Variants in INVS observed in about 807,000 individuals in gnomAD.
INVS encodes inversion of embryo turning homolog.
Under a neutral mutation model 108.8 loss-of-function variants are expected in INVS, and 86 were observed. The ratio of observed to expected loss-of-function variants is 0.79; its 90% CI spans 0.66 to 0.95. The LOEUF (loss-of-function observed/expected upper bound fraction) is 0.95, where lower values mean the gene tolerates loss of function less well. INVS is among the 40% of genes least tolerant of loss of function. INVS has a pLI of 0.00. For missense variants in INVS, 1,169 were observed against 1,297.4 expected, an observed-to-expected ratio of 0.90 and a Z score of 1.52; for synonymous variants, 455 against 473.5, an observed-to-expected ratio of 0.96 and a Z score of 0.51.
At chr9:100,187,521 A>ATTTTTTTTTT (rs1830087780) in intron 3 of INVS, among the ~76,000 whole-genome samples, 1 of 89,426 alleles carries the variant, frequency 1.1e-5, no homozygotes, top group African/African-American at 6.1e-5. Flanking sequence ...ATCATCTATG[A>ATTTTTTTTTT]TTTCTTTTTT....
At chr9:100,221,774 G>T (rs1216368893) in intron 3 of INVS, among the ~76,000 whole-genome samples, 1 of 151,914 alleles carries the variant, frequency 6.6e-6, no homozygotes, top group African/African-American at 2.4e-5. Context: ...GGTCAACCAT[G>T]ATCTAAAAAT....
chr9:100,251,932 A>G (rs891224688), intron 8 of INVS, among the ~76,000 whole-genome samples: 1 of 152,194 alleles, frequency 6.6e-6, no homozygotes, highest in African/African-American at 2.4e-5. Flanking sequence ...CATTTAAATC[A>G]TTCCTCTTTG....
At chr9:100,232,919 G>A (rs1044542297) in intron 5 of INVS, among the ~76,000 whole-genome samples, 2 of 152,086 alleles carry the variant, frequency 1.3e-5, no homozygotes, top group African/African-American at 4.8e-5. Context: ...GATGGAAATA[G>A]CATTGAATTT....
At chr9:100,227,667 T>C (rs1831374111) in intron 4 of INVS, among the ~76,000 whole-genome samples, 1 of 150,796 alleles carries the variant, frequency 6.6e-6, no homozygotes, top group Non-Finnish European at 1.5e-5. Context: ...GGGAAGGCCA[T>C]GAAGAGAGGA....
At chr9:100,286,396 A>T (rs532643432) in intron 13 of INVS, among the ~76,000 whole-genome samples, 14 of 152,232 alleles carry the variant, frequency 9.2e-5, no homozygotes, top group African/African-American at 3.4e-4. Flanking sequence ...TCTACTAAAA[A>T]TATACAAATT....
In INVS at chr9:100,194,690, A is replaced by G. The variant is rs183335779; in HGVS notation, c.274-31372A>G. ...AGCATGTAGTATTTCACCACTAAAC[A>G]TGAAATTAACTTCAATTTTTAAAAG... On this transcript the variant is annotated intron_variant, in intron 3 of 16. Coordinates refer to ENST00000262457, the MANE Select transcript of INVS (RefSeq NM_014425.5). Among the ~76,000 whole-genome samples, 132 of 152,324 alleles carry G rather than the reference A, an allele frequency of 8.7e-4. 1 individual carries two copies. The highest frequency in any genetic ancestry group is 1.3e-3 in the Non-Finnish European group (87 of 68,020).
chr9:100,100,967 T>TATATGC (rs1564112461), intron 1 of INVS, among the ~76,000 whole-genome samples: 52 of 21,464 alleles, frequency 2.4e-3, no homozygotes, highest in African/African-American at 6.6e-3. Flanking sequence ...ATATATATAA[T>TATATGC]ATATATTATA....
chr9:100,250,597 C>T (rs1012716945), intron 8 of INVS, among the ~76,000 whole-genome samples: 1 of 152,128 alleles, frequency 6.6e-6, no homozygotes, highest in Non-Finnish European at 1.5e-5. Context: ...TATGTCAAAT[C>T]CCGTAGCAAG....
chr9:100,183,561 G>A (rs1180132845), intron 3 of INVS, among the ~76,000 whole-genome samples: 1 of 152,160 alleles, frequency 6.6e-6, no homozygotes, highest in African/African-American at 2.4e-5. Context: ...GGGAGACTGA[G>A]GAGGGCAGAT....
intron 12 of INVS, among the ~76,000 whole-genome samples, chr9:100,279,691 C>T (rs943756087): frequency 6.6e-5 from 10 of 152,196 alleles, no homozygotes; most frequent in African/African-American, 2.4e-4. Flanking sequence ...TGACAGGACA[C>T]ACTAACTAGA....
At chr9:100,256,376 T>C (rs909998034) in intron 10 of INVS, among the ~76,000 whole-genome samples, 1 of 152,204 alleles carries the variant, frequency 6.6e-6, no homozygotes, top group Non-Finnish European at 1.5e-5. Context: ...GCTCCTGGAT[T>C]CATTGATTTT....
intron 16 of INVS, 41 bp from the exon 17 acceptor site, chr9:100,300,527 A>C: frequency 7.4e-7 from 1 of 1,348,976 alleles, no homozygotes; most frequent in Non-Finnish European, 1.1e-6. Context: ...CAGCCTTAAA[A>C]TTAATAACCT....
At position 100,256,035 on chromosome 9, in the gene INVS, A is replaced by C. The variant is rs777376249; in HGVS notation, c.1464+2899A>C. Among the ~76,000 whole-genome samples, 3 of 152,164 alleles carry C rather than the reference A, an allele frequency of 2.0e-5. No individual in the cohort carries two copies. In the East Asian group the frequency reaches 5.8e-4, roughly 29 times the overall value. ...TCTGGGAGAATTTGGCTGTGAATCC[A>C]TCTGGTCCTGGACATTTTTTGGTTG... On this transcript the variant is annotated intron_variant, in intron 10 of 16. Coordinates refer to ENST00000262457, the MANE Select transcript of INVS (RefSeq NM_014425.5).
intron 3 of INVS, among the ~76,000 whole-genome samples, chr9:100,152,992 G>C (rs2118986659): frequency 6.9e-6 from 1 of 145,282 alleles, no homozygotes; most frequent in African/African-American, 2.7e-5. Context: ...GTGTTGTACA[G>C]ATTGTTAACT....
intron 3 of INVS, among the ~76,000 whole-genome samples, chr9:100,143,661 G>A (rs199662301): frequency 1.6e-4 from 24 of 152,004 alleles, no homozygotes; most frequent in African/African-American, 4.6e-4. Flanking sequence ...TTAAAGTGTC[G>A]GCCTAATAAG....
intron 13 of INVS, among the ~76,000 whole-genome samples, chr9:100,286,270 C>T (rs1833438342): frequency 6.6e-6 from 1 of 152,116 alleles, no homozygotes; most frequent in African/African-American, 2.4e-5. Flanking sequence ...AAAATGACTA[C>T]AGGCCGGGTG....
intron 3 of INVS, among the ~76,000 whole-genome samples, chr9:100,185,162 G>A (rs2118111947): frequency 6.6e-6 from 1 of 151,980 alleles, no homozygotes; most frequent in Admixed American, 6.6e-5. Flanking sequence ...AACTTAGATT[G>A]CAAAAATGTA....
intron 5 of INVS, 53 bp downstream of exon 5, chr9:100,229,880 GAA>G: frequency 1.3e-6 from 2 of 1,540,110 alleles, no homozygotes; most frequent in Non-Finnish European, 1.8e-6. Context: ...TTTTTATTAT[GAA>G]TTATTTAATA....
chr9:100,189,106 C>CTTTTTTTTTTTTTTTTTTTTTTTTTTT (rs60762136), intron 3 of INVS, among the ~76,000 whole-genome samples: 1 of 69,562 alleles, frequency 1.4e-5, no homozygotes, highest in African/African-American at 6.8e-5. Context: ...TTTGCATCTT[C>CTTTTTTTTTTTTTTTTTTTTTTTTTTT]TTTTTTTTTT....
Sources: gnomAD v4.1 joint callset for allele counts (sites outside exome capture counted in the v4.1 genomes callset) on GRCh38, gnomAD v4.1.1 for gene constraint, MANE v1.5 for transcripts, NCBI Gene and HGNC (gene_info 2026-07-23, HGNC 2026-07-21) for gene names.